Variants in PTK2B observed in about 807,000 individuals in gnomAD.
The protein encoded by PTK2B is protein tyrosine kinase 2 beta, also known as protein-tyrosine kinase 2-beta.
PTK2B carries 71 observed loss-of-function variants against 142.9 expected under a neutral mutation model. That is an observed-to-expected ratio of 0.50 (90% CI 0.41 to 0.61). PTK2B has a LOEUF of 0.61. Among genes scored for constraint, PTK2B ranks in the 20% least tolerant of loss-of-function variants. The pLI is 0.00. For missense variants in PTK2B, 1,105 were observed against 1,320.4 expected (o/e 0.84, Z 2.53); for synonymous variants, 519 against 503.4 (o/e 1.03, Z -0.42).
chr8:27,323,391 C>T (rs995866600), upstream of PTK2B: 7 of 152,330 alleles, frequency 4.6e-5, no homozygotes, highest in African/African-American at 1.7e-4. Flanking sequence ...GTTCAAAGGC[C>T]TTTTTCATTA....
intron 2 of PTK2B, among the ~76,000 whole-genome samples, chr8:27,414,956 A>G (rs1809309971): frequency 6.6e-6 from 1 of 152,234 alleles, no homozygotes; most frequent in Non-Finnish European, 1.5e-5. Context: ...ATAGAAAGGT[A>G]GAGAAAGAGA....
At chr8:27,339,661 G>T (rs1273201071) in intron 1 of PTK2B, among the ~76,000 whole-genome samples, 1 of 152,236 alleles carries the variant, frequency 6.6e-6, no homozygotes, top group Non-Finnish European at 1.5e-5. Context: ...AAGACTGGCA[G>T]GGTGGTAACA....
chr8:27,364,589 T>C (rs994214509), intron 1 of PTK2B, among the ~76,000 whole-genome samples: 2 of 152,200 alleles, frequency 1.3e-5, no homozygotes, highest in African/African-American at 4.8e-5. Context: ...CTGCAGGGAC[T>C]GAACAGAATT....
chr8:27,310,918 T>C (rs1312189396), upstream of PTK2B: 5 of 1,612,696 alleles, frequency 3.1e-6, no homozygotes, highest in East Asian at 4.5e-5. Context: ...GGCTGAGCTG[T>C]CCGCGGTGCA....
intron 1 of PTK2B, among the ~76,000 whole-genome samples, chr8:27,373,890 G>A (rs150903356): frequency 6.6e-6 from 1 of 151,872 alleles, no homozygotes; most frequent in African/African-American, 2.4e-5. Flanking sequence ...TGAACAGGAG[G>A]TGTTTGGTGG....
chr8:27,445,741 T>C (rs555354190), intron 23 of PTK2B, 53 bp from the exon 24 acceptor site: 2 of 1,607,058 alleles, frequency 1.2e-6, no homozygotes, highest in Admixed American at 1.7e-5. Flanking sequence ...CAGCTAATTG[T>C]CTACCTTCTC....
At chr8:27,447,547 C>T (rs1811544283) in intron 24 of PTK2B, among the ~76,000 whole-genome samples, 1 of 152,192 alleles carries the variant, frequency 6.6e-6, no homozygotes, top group Non-Finnish European at 1.5e-5. Flanking sequence ...GAAGACCTCA[C>T]AATTGAGCTT....
chr8:27,386,722 G>A (rs187201885), intron 1 of PTK2B, among the ~76,000 whole-genome samples: 27 of 152,238 alleles, frequency 1.8e-4, no homozygotes, highest in South Asian at 1.0e-3. Context: ...AATGTTTGGC[G>A]TATACTAGGT....
chr8:27,426,742 A>G (rs1291053175), intron 5 of PTK2B, among the ~76,000 whole-genome samples: 2 of 152,174 alleles, frequency 1.3e-5, no homozygotes, highest in African/African-American at 4.8e-5. Flanking sequence ...GGCCTAAGCA[A>G]GCTGGATTCA....
intron 13 of PTK2B, among the ~76,000 whole-genome samples, chr8:27,435,458 C>G (rs1447106936): frequency 1.3e-5 from 2 of 152,242 alleles, no homozygotes; most frequent in Non-Finnish European, 2.9e-5. Flanking sequence ...ATCTTTATAG[C>G]ATCCCCCAAT....
At chr8:27,343,894 T>C (rs1045056930) in intron 1 of PTK2B, among the ~76,000 whole-genome samples, 2 of 151,926 alleles carry the variant, frequency 1.3e-5, no homozygotes, top group African/African-American at 4.8e-5. Flanking sequence ...TCCCAGCTAC[T>C]TGGGAGGCTG....
rs544002514 is a variant in PTK2B at position 27,458,865 on chromosome 8, G to A, written c.*356G>A. The A allele has an allele frequency of 9.7e-5, 38 of 391,746 alleles. No homozygotes were observed. The highest frequency in any genetic ancestry group is 4.4e-4 in the South Asian group (14 of 31,530). The allele number at this position is 391,746 out of a possible 1,614,324, so 24.3% of individuals were successfully genotyped here. Reference sequence around the variant, plus strand: ...GCTTTATATATGGACATGGCAGGCCGATTTGGGAACCAAGCTATTCCTTTC... The same window carrying A: ...GCTTTATATATGGACATGGCAGGCCAATTTGGGAACCAAGCTATTCCTTTC... On this transcript the variant is annotated 3_prime_UTR_variant, in exon 31 of 31. Transcript: ENST00000346049.
At chr8:27,416,449 G>A (rs144013040) in intron 2 of PTK2B, among the ~76,000 whole-genome samples, 9 of 152,240 alleles carry the variant, frequency 5.9e-5, no homozygotes, top group Admixed American at 2.6e-4. Context: ...CTGAACAACC[G>A]TAGATCTATA....
chr8:27,410,108 AAG>A (rs1808968574), intron 2 of PTK2B, among the ~76,000 whole-genome samples: 1 of 152,236 alleles, frequency 6.6e-6, no homozygotes, highest in Non-Finnish European at 1.5e-5. Flanking sequence ...ACAAACAAAA[AAG>A]AATACTTTGA....
At chr8:27,412,734 G>A (rs144032808) in intron 2 of PTK2B, among the ~76,000 whole-genome samples, 9 of 152,168 alleles carry the variant, frequency 5.9e-5, no homozygotes, top group East Asian at 1.9e-4. Context: ...CAAGGACCTC[G>A]AGTTAAATTT....
At chr8:27,362,788 C>T (rs1317563332) in intron 1 of PTK2B, among the ~76,000 whole-genome samples, 2 of 152,136 alleles carry the variant, frequency 1.3e-5, no homozygotes, top group African/African-American at 4.8e-5. Context: ...TAGAACTGTT[C>T]CCACGTGAAA....
chr8:27,455,347 T>C lies in PTK2B; in HGVS notation c.2814+736T>C, dbSNP rs189187989. 5.3e-5 allele frequency among the ~76,000 whole-genome samples: 8 copies of C among 152,216 alleles called. No individual in the cohort carries two copies. The East Asian group carries it at 1.6e-3, about 30-fold the overall frequency. On this transcript the variant is annotated intron_variant, in intron 30 of 30. Coordinates refer to ENST00000346049, the MANE Select transcript of PTK2B (RefSeq NM_173176.3). ...GGGAGGCCAAGGCAGGTGAATTGCT[T>C]GAGCTCAGGAGTTTGAGACCAGCCT...
chr8:27,365,681 T>C (rs1408959365), intron 1 of PTK2B, among the ~76,000 whole-genome samples: 1 of 152,218 alleles, frequency 6.6e-6, no homozygotes, highest in African/African-American at 2.4e-5. Context: ...TGAGTTAACA[T>C]TTGTCACCAC....
At chr8:27,368,164 G>A (rs900884252) in intron 1 of PTK2B, among the ~76,000 whole-genome samples, 11 of 152,218 alleles carry the variant, frequency 7.2e-5, no homozygotes, top group African/African-American at 2.4e-4. Context: ...CGGGACGGAC[G>A]GGTGGCTCCT....
Sources: allele counts gnomAD v4.1 joint callset (sites outside exome capture counted in the v4.1 genomes callset), GRCh38; gene constraint gnomAD v4.1.1; transcripts MANE v1.5; gene names NCBI Gene and HGNC (gene_info 2026-07-23, HGNC 2026-07-21).